The following DRC12 variants were observed in gnomAD, a reference collection of about 807,000 sequenced individuals.
DRC12 encodes dynein regulatory complex protein 12.
At chr11:119,195,065 C>T in the DRC12 span, 6 of 1,321,436 alleles carry the variant, frequency 4.5e-6, no homozygotes, top group Middle Eastern at 1.8e-4. Flanking sequence ...ACATCCTCAC[C>T]CCACACCCTG....
the DRC12 span, chr11:119,190,443 C>T: frequency 6.2e-7 from 1 of 1,613,964 alleles, no homozygotes; most frequent in Non-Finnish European, 8.5e-7. The surrounding 1 kb of genome is among the most constrained non-coding windows in gnomAD (Gnocchi z 4.2). Context: ...AAGAGCCTGT[C>T]CAGACTGTCC....
chr11:119,195,821 C>A, the DRC12 span: 9 of 227,102 alleles, frequency 4.0e-5, no homozygotes, highest in Non-Finnish European at 6.9e-5. Flanking sequence ...CTCCTGCCAG[C>A]GTTGGGGCTC....
chr11:119,190,699 G>A, the DRC12 span: 1 of 1,611,648 alleles, frequency 6.2e-7, no homozygotes, highest in East Asian at 2.2e-5. The surrounding 1 kb of genome is among the most constrained non-coding windows in gnomAD (Gnocchi z 4.2). Context: ...GATCCAGGGG[G>A]TGGTGCTTAC....
chr11:119,194,713 CA>C, the DRC12 span, among the ~76,000 whole-genome samples: 2 of 148,862 alleles, frequency 1.3e-5, no homozygotes, highest in Admixed American at 1.4e-4. Flanking sequence ...TCAAAAAAAC[CA>C]AAAAAAACAA....
the DRC12 span, chr11:119,190,801 G>C: frequency 6.2e-7 from 1 of 1,613,896 alleles, no homozygotes; most frequent in East Asian, 2.2e-5. This position sits in a 1 kb window ranked among gnomAD's most constrained non-coding sequence, Gnocchi z 4.2. Flanking sequence ...AGCTTGTTCA[G>C]CCTCTTCCCG....
the DRC12 span, chr11:119,193,483 G>T: frequency 8.5e-7 from 1 of 1,176,980 alleles, no homozygotes; most frequent in Non-Finnish European, 1.2e-6. Context: ...CCTTCTCCCC[G>T]CCCATGGGCT....
the DRC12 span, chr11:119,194,009 T>C: frequency 1.1e-6 from 1 of 942,548 alleles, no homozygotes; most frequent in Non-Finnish European, 1.5e-6. Context: ...TCTTACTCTC[T>C]CTCTGGGTTT....
At chr11:119,194,344 C>T in the DRC12 span, among the ~76,000 whole-genome samples, 1 of 151,776 alleles carries the variant, frequency 6.6e-6, no homozygotes, top group Non-Finnish European at 1.5e-5. Context: ...GAAAACCCGT[C>T]TCTACTAAGA....
At chr11:119,193,500 G>A in the DRC12 span, 3 of 1,258,896 alleles carry the variant, frequency 2.4e-6, no homozygotes, top group Non-Finnish European at 3.2e-6. Flanking sequence ...GGCTGATTGA[G>A]ATGATGGCTA....
chr11:119,190,834 C>T, the DRC12 span: 2 of 1,611,880 alleles, frequency 1.2e-6, no homozygotes, highest in Non-Finnish European at 8.5e-7. The surrounding 1 kb of genome is among the most constrained non-coding windows in gnomAD (Gnocchi z 4.2). Flanking sequence ...CTCCCTTTGG[C>T]ATGCCTCTGG....
At chr11:119,190,920 A>G in the DRC12 span, 1 of 1,520,004 alleles carries the variant, frequency 6.6e-7, no homozygotes, top group Non-Finnish European at 8.8e-7. This position sits in a 1 kb window ranked among gnomAD's most constrained non-coding sequence, Gnocchi z 4.2. Context: ...TCTGGAAAGG[A>G]GACCTCAAAT....
the DRC12 span, chr11:119,190,964 T>G: frequency 1.7e-6 from 2 of 1,150,082 alleles, no homozygotes; most frequent in Non-Finnish European, 2.4e-6. This position sits in a 1 kb window ranked among gnomAD's most constrained non-coding sequence, Gnocchi z 4.2. Flanking sequence ...CATCACCAAA[T>G]TTCCCGCAGT....
the DRC12 span, chr11:119,194,918 C>G: frequency 1.9e-6 from 3 of 1,551,220 alleles, no homozygotes; most frequent in Non-Finnish European, 2.6e-6. Context: ...TTCTACCCTC[C>G]TTACCCAAGT....
the DRC12 span, chr11:119,195,029 T>C: frequency 6.6e-7 from 1 of 1,520,168 alleles, no homozygotes; most frequent in Non-Finnish European, 8.9e-7. Context: ...CAGCTCTTCA[T>C]GATCTCAGCA....
chr11:119,195,525 T>G, the DRC12 span: 2 of 1,491,850 alleles, frequency 1.3e-6, no homozygotes, highest in Admixed American at 2.0e-5. Context: ...GACCTTATGT[T>G]TAGGTCTGGA....
chr11:119,190,857 T>A, the DRC12 span: 17 of 1,607,842 alleles, frequency 1.1e-5, no homozygotes, highest in Non-Finnish European at 1.4e-5. The surrounding 1 kb of genome is among the most constrained non-coding windows in gnomAD (Gnocchi z 4.2). Flanking sequence ...GCAGGCAGGA[T>A]GAAAGAGAGC....
At chr11:119,190,625 T>G in the DRC12 span, 3 of 1,568,274 alleles carry the variant, frequency 1.9e-6, no homozygotes, top group Non-Finnish European at 2.6e-6. The surrounding 1 kb of genome is among the most constrained non-coding windows in gnomAD (Gnocchi z 4.2). Context: ...AACCCTGGGT[T>G]GTCAGTCATC....
the DRC12 span, among the ~76,000 whole-genome samples, chr11:119,194,188 C>G: frequency 2.6e-5 from 4 of 151,882 alleles, no homozygotes; most frequent in Non-Finnish European, 5.9e-5. Flanking sequence ...AGTTTGAGAC[C>G]TGCCTGGGCA....
chr11:119,191,689 T>A, the DRC12 span, among the ~76,000 whole-genome samples: 1 of 151,600 alleles, frequency 6.6e-6, no homozygotes, highest in African/African-American at 2.4e-5. Flanking sequence ...ACACCTGTAA[T>A]CCCAGCTACT....
Sources: allele counts gnomAD v4.1 joint callset (sites outside exome capture counted in the v4.1 genomes callset), GRCh38; gene constraint gnomAD v4.1.1; non-coding constraint Gnocchi (gnomAD v3.1); transcripts MANE v1.5; gene names NCBI Gene and HGNC (gene_info 2026-07-23, HGNC 2026-07-21).